CADM2: variants seen among roughly 807,000 people sequenced by gnomAD.
CADM2 encodes cell adhesion molecule 2.
A neutral mutation model predicts 49.8 loss-of-function variants in CADM2; 12 were observed. The observed-to-expected ratio is 0.24, with a 90% CI of 0.15 to 0.39. The LOEUF is 0.39. Ranked by LOEUF, CADM2 falls within the 10% of genes least tolerant of loss-of-function variation. CADM2 has a pLI of 1.00. For missense variants in CADM2, 378 were observed against 492.3 expected, an observed-to-expected ratio of 0.77 and a Z score of 2.20; for synonymous variants, 214 against 175.4, an observed-to-expected ratio of 1.22 and a Z score of -1.74.
At chr3:86,002,000 C>A (rs1730243069) in intron 8 of CADM2, among the ~76,000 whole-genome samples, 1 of 151,826 alleles carries the variant, frequency 6.6e-6, no homozygotes, top group Non-Finnish European at 1.5e-5. Context: ...GAAGATTCAC[C>A]AGTGGATGGG....
rs543917603 is a variant in CADM2 at position 85,757,175 on chromosome 3, A to G, written c.88+30627A>G. Among the ~76,000 whole-genome samples the G allele has an allele frequency of 2.0e-4, 30 of 152,300 alleles. No individual in the cohort carries two copies. The East Asian group carries it at 5.6e-3, about 28-fold the overall frequency. ...TACTATAAGCCTAGACTTAGATACC[A>G]CAATGACAACTTGGAGAAGAAATTA... On this transcript the variant is annotated intron_variant, in intron 2 of 9. Coordinates refer to ENST00000383699, the MANE Select transcript of CADM2 (RefSeq NM_001167675.2).
intron 1 of CADM2, among the ~76,000 whole-genome samples, chr3:85,291,034 C>G (rs2043778252): frequency 6.6e-6 from 1 of 152,084 alleles, no homozygotes; most frequent in African/African-American, 2.4e-5. Flanking sequence ...AAGTTGAAAA[C>G]TTTTTAAAAA....
chr3:86,030,894 T>A (rs760077355), intron 8 of CADM2, among the ~76,000 whole-genome samples: 6 of 151,974 alleles, frequency 3.9e-5, no homozygotes, highest in Non-Finnish European at 8.8e-5. Context: ...ATCTGCCAAG[T>A]TACTCAATAA....
At chr3:85,001,962 G>C (rs552941316) in intron 1 of CADM2, among the ~76,000 whole-genome samples, 1 of 152,024 alleles carries the variant, frequency 6.6e-6, no homozygotes, top group Non-Finnish European at 1.5e-5. Context: ...TAAATATTTT[G>C]CTGGTACTCT....
At chr3:85,397,551 A>G (rs1264402985) in intron 1 of CADM2, among the ~76,000 whole-genome samples, 1 of 152,222 alleles carries the variant, frequency 6.6e-6, no homozygotes, top group Non-Finnish European at 1.5e-5. Context: ...TTCAGCCTTA[A>G]AAAGGAATGG....
intron 1 of CADM2, among the ~76,000 whole-genome samples, chr3:85,564,577 A>G (rs751992091): frequency 6.6e-6 from 1 of 152,186 alleles, no homozygotes; most frequent in Non-Finnish European, 1.5e-5. Context: ...TAAGATATGT[A>G]ATAGATTTAT....
chr3:85,784,086 C>T (rs1046661051), intron 2 of CADM2, among the ~76,000 whole-genome samples: 2 of 152,172 alleles, frequency 1.3e-5, no homozygotes, highest in Non-Finnish European at 2.9e-5. Flanking sequence ...ACTGCACGCA[C>T]ACACATTTGT....
At chr3:85,415,824 T>C (rs984457856) in intron 1 of CADM2, among the ~76,000 whole-genome samples, 18 of 152,142 alleles carry the variant, frequency 1.2e-4, no homozygotes, top group Non-Finnish European at 2.6e-4. Context: ...GGGAGAGTTG[T>C]GTTGTCAGCA....
At chr3:85,067,419 C>T in intron 1 of CADM2, among the ~76,000 whole-genome samples, 1 of 151,922 alleles carries the variant, frequency 6.6e-6, no homozygotes, top group East Asian at 1.9e-4. Flanking sequence ...TTAATGGGAA[C>T]ATTTATTTTA....
chr3:85,082,705 T>C (rs2037213763), intron 1 of CADM2, among the ~76,000 whole-genome samples: 1 of 152,114 alleles, frequency 6.6e-6, no homozygotes, highest in Non-Finnish European at 1.5e-5. Context: ...AGGGGTCTTA[T>C]TGCAAGGGTG....
At chr3:85,749,024 C>G (rs1401014447) in intron 2 of CADM2, among the ~76,000 whole-genome samples, 4 of 151,956 alleles carry the variant, frequency 2.6e-5, no homozygotes, top group African/African-American at 9.7e-5. Flanking sequence ...TTCAACTGTG[C>G]TTATGATTCA....
At chr3:85,892,408 A>T (rs951410188) in intron 5 of CADM2, among the ~76,000 whole-genome samples, 1 of 152,178 alleles carries the variant, frequency 6.6e-6, no homozygotes, top group African/African-American at 2.4e-5. Context: ...CCCCACCCAA[A>T]TCTCATCTTG....
At chr3:85,347,628 T>A (rs146071762) in intron 1 of CADM2, among the ~76,000 whole-genome samples, 138 of 142,330 alleles carry the variant, frequency 9.7e-4, no homozygotes, top group African/African-American at 2.0e-3. Context: ...TACATATATA[T>A]AAATATATAT....
intron 1 of CADM2, among the ~76,000 whole-genome samples, chr3:85,231,405 A>G (rs1453220397): frequency 6.6e-6 from 1 of 150,806 alleles, no homozygotes; most frequent in Non-Finnish European, 1.5e-5. Flanking sequence ...TACATTTAAG[A>G]TTGGAGGTAA....
intron 8 of CADM2, among the ~76,000 whole-genome samples, chr3:86,064,061 A>T (rs1239970170): frequency 7.1e-6 from 1 of 140,002 alleles, no homozygotes; most frequent in African/African-American, 3.3e-5. Flanking sequence ...ATATATATAC[A>T]TTTTTTTATT....
At chr3:86,042,282 A>T (rs1736045306) in intron 8 of CADM2, among the ~76,000 whole-genome samples, 1 of 152,194 alleles carries the variant, frequency 6.6e-6, no homozygotes, top group African/African-American at 2.4e-5. Context: ...AAATCAATGA[A>T]TCCAGGAGCT....
intron 2 of CADM2, among the ~76,000 whole-genome samples, chr3:85,776,687 C>T (rs935703994): frequency 1.3e-5 from 2 of 151,910 alleles, no homozygotes; most frequent in African/African-American, 4.8e-5. Flanking sequence ...TATTTTTGTG[C>T]ACCACAGAAA....
intron 1 of CADM2, among the ~76,000 whole-genome samples, chr3:85,359,702 A>G (rs1241131124): frequency 8.4e-5 from 8 of 95,244 alleles, no homozygotes; most frequent in Non-Finnish European, 1.8e-4. Context: ...GACAAAGAAA[A>G]GGGAGGCTAG....
At chr3:85,207,806 T>C (rs2041685116) in intron 1 of CADM2, among the ~76,000 whole-genome samples, 1 of 152,304 alleles carries the variant, frequency 6.6e-6, no homozygotes, top group Admixed American at 6.5e-5. Flanking sequence ...GCTGTTTTTA[T>C]AAGGTCAGCT....
Sources: gnomAD v4.1 joint callset for allele counts (sites outside exome capture counted in the v4.1 genomes callset) on GRCh38, gnomAD v4.1.1 for gene constraint, MANE v1.5 for transcripts, NCBI Gene and HGNC (gene_info 2026-07-23, HGNC 2026-07-21) for gene names.